The following ELP4 variants were observed in gnomAD, a reference collection of about 807,000 sequenced individuals.
The protein encoded by ELP4 is elongator acetyltransferase complex subunit 4, also known as elongator complex protein 4.
In ELP4, 51 loss-of-function variants were observed where a neutral mutation model predicts 48.9. That is an observed-to-expected ratio of 1.04 (90% CI 0.83 to 1.32). The LOEUF (loss-of-function observed/expected upper bound fraction) is 1.32, where lower values mean the gene tolerates loss of function less well. Ranked by LOEUF, ELP4 falls within the 40% of genes most tolerant of loss-of-function variation. The probability of loss-of-function intolerance (pLI) is 0.00; values close to 1 mark genes in which losing one functional copy is unlikely to be tolerated. For synonymous variants in ELP4, 210 were observed against 189.2 expected, an observed-to-expected ratio of 1.11 and a Z score of -0.90; for missense variants, 519 against 514.6, an observed-to-expected ratio of 1.01 and a Z score of -0.08.
chr11:31,696,816 A>T (rs1946418330), intron 9 of ELP4, among the ~76,000 whole-genome samples: 1 of 152,126 alleles, frequency 6.6e-6, no homozygotes, highest in South Asian at 2.1e-4. Context: ...AACAATATTA[A>T]CCTTAAATGT....
At chr11:31,703,082 T>A (rs185206379) in intron 9 of ELP4, among the ~76,000 whole-genome samples, 97 of 152,314 alleles carry the variant, frequency 6.4e-4, no homozygotes, top group African/African-American at 2.1e-3. Flanking sequence ...GGTTACATCT[T>A]ATAGTCACTG....
chr11:31,525,751 G>T (rs983959726), intron 2 of ELP4, among the ~76,000 whole-genome samples: 17 of 152,104 alleles, frequency 1.1e-4, no homozygotes, highest in Non-Finnish European at 2.2e-4. Context: ...AGACTAGGCT[G>T]TATACCTGTA....
rs192709453 is a variant in ELP4 at position 31,786,957 on chromosome 11, G to T, written c.*3433G>T. On this transcript the variant is annotated 3_prime_UTR_variant, in exon 10 of 10. Coordinates refer to ENST00000640961, the MANE Select transcript of ELP4 (RefSeq NM_019040.5). ...GTCTTCACAAATAATCTCCATCCTG[G>T]AAGATGGTGTCAAAACATCCCTGCA... 2.9e-4 allele frequency: 64 copies of T among 219,470 alleles called. No individual in the cohort carries two copies. In the East Asian group the frequency reaches 3.8e-3, roughly 13 times the overall value. The allele number at this position is 219,470 out of a possible 1,614,324, so 13.6% of individuals were successfully genotyped here. A position where few individuals can be genotyped will look rare whatever the true frequency, so the allele number is the denominator to read the frequency against.
chr11:31,755,179 G>GT (rs969064883), intron 9 of ELP4, among the ~76,000 whole-genome samples: 3 of 152,058 alleles, frequency 2.0e-5, no homozygotes, highest in South Asian at 2.1e-4. Context: ...AAATAGTATT[G>GT]TTTTTTAGCC....
At chr11:31,575,578 T>TA (rs1270364672) in intron 3 of ELP4, among the ~76,000 whole-genome samples, 1 of 152,182 alleles carries the variant, frequency 6.6e-6, no homozygotes, top group Non-Finnish European at 1.5e-5. Flanking sequence ...CCCATCAGAC[T>TA]AACAGCTGAT....
intron 9 of ELP4, among the ~76,000 whole-genome samples, chr11:31,742,602 T>C (rs1024405883): frequency 3.9e-5 from 6 of 152,320 alleles, no homozygotes; most frequent in African/African-American, 1.4e-4. Flanking sequence ...TATTCAACTT[T>C]CTTAAAGAAA....
intron 9 of ELP4, among the ~76,000 whole-genome samples, chr11:31,692,750 T>C (rs771822211): frequency 5.8e-4 from 88 of 152,232 alleles, no homozygotes; most frequent in Non-Finnish European, 1.1e-3. Flanking sequence ...ACAGCCCCAA[T>C]GTAACACCCT....
At chr11:31,570,015 T>C (rs1263518819) in intron 3 of ELP4, among the ~76,000 whole-genome samples, 1 of 152,162 alleles carries the variant, frequency 6.6e-6, no homozygotes, top group Non-Finnish European at 1.5e-5. Context: ...ACTGGGTACA[T>C]ACCCGGAGGA....
intron 9 of ELP4, among the ~76,000 whole-genome samples, chr11:31,665,961 T>C (rs1945664313): frequency 6.6e-6 from 1 of 150,424 alleles, no homozygotes; most frequent in Non-Finnish European, 1.5e-5. Context: ...AGCCTAATTC[T>C]CTCACTTTAA....
intron 9 of ELP4, among the ~76,000 whole-genome samples, chr11:31,697,814 C>A (rs945458649): frequency 1.3e-5 from 2 of 151,746 alleles, no homozygotes; most frequent in African/African-American, 4.8e-5. Context: ...TTTATATTAA[C>A]AAAAGCAGCT....
chr11:31,686,333 T>G (rs1166023214), intron 9 of ELP4, among the ~76,000 whole-genome samples: 1 of 149,904 alleles, frequency 6.7e-6, no homozygotes, highest in Non-Finnish European at 1.5e-5. Context: ...GGTTGGTTTT[T>G]TTTTTTTTTT....
At chr11:31,524,307 C>A (rs981461439) in intron 2 of ELP4, among the ~76,000 whole-genome samples, 2 of 152,194 alleles carry the variant, frequency 1.3e-5, no homozygotes, top group African/African-American at 4.8e-5. Context: ...GAAGGCTTGA[C>A]AAGGGAACTA....
intron 9 of ELP4, chr11:31,706,886 A>G (rs1314402661): frequency 5.1e-6 from 2 of 395,380 alleles, no homozygotes; most frequent in Admixed American, 8.8e-5. Context: ...CTCCAGTTCC[A>G]TCCACATTGC....
At chr11:31,572,575 G>A (rs1435947811) in intron 3 of ELP4, among the ~76,000 whole-genome samples, 2 of 152,134 alleles carry the variant, frequency 1.3e-5, no homozygotes, top group Admixed American at 6.5e-5. Context: ...CTGTTAGAGA[G>A]AGGATATGTT....
chr11:31,518,568 A>G (rs1266456252), intron 1 of ELP4, among the ~76,000 whole-genome samples: 2 of 149,200 alleles, frequency 1.3e-5, no homozygotes, highest in East Asian at 4.0e-4. Context: ...TGCAATCTCA[A>G]CTCACGGCAA....
chr11:31,706,680 T>C (rs1946641941), intron 9 of ELP4, among the ~76,000 whole-genome samples: 1 of 151,250 alleles, frequency 6.6e-6, no homozygotes, highest in South Asian at 2.1e-4. Flanking sequence ...CTATAACTTC[T>C]ATCTAGCTAT....
intron 9 of ELP4, among the ~76,000 whole-genome samples, chr11:31,683,821 A>C (rs538981085): frequency 6.6e-6 from 1 of 152,240 alleles, no homozygotes; most frequent in Admixed American, 6.5e-5. Context: ...AATTGATAAG[A>C]GGTAGAAAAG....
intron 8 of ELP4, 176 bp from the exon 9 acceptor site, chr11:31,649,939 T>C: frequency 2.4e-6 from 1 of 423,108 alleles, no homozygotes; most frequent in Non-Finnish European, 4.2e-6. Context: ...CTTATTCTGC[T>C]TGATTACTTG....
chr11:31,702,636 A>G (rs573901200), intron 9 of ELP4, among the ~76,000 whole-genome samples: 1 of 152,244 alleles, frequency 6.6e-6, no homozygotes. Context: ...CTCCCTTATC[A>G]TAGACATTAG....
Sources: gnomAD v4.1 joint callset for allele counts (sites outside exome capture counted in the v4.1 genomes callset) on GRCh38, gnomAD v4.1.1 for gene constraint, MANE v1.5 for transcripts, NCBI Gene and HGNC (gene_info 2026-07-23, HGNC 2026-07-21) for gene names.